Variants in TBC1D14 observed in about 807,000 individuals in gnomAD.
TBC1D14 encodes the protein TBC1 domain family member 14.
In TBC1D14, 26 loss-of-function variants were observed where a neutral mutation model predicts 79.0. The observed-to-expected ratio is 0.33, with a 90% confidence interval of 0.24 to 0.46. The LOEUF (loss-of-function observed/expected upper bound fraction) is 0.46. Among genes scored for constraint, TBC1D14 ranks in the 20% least tolerant of loss-of-function variants. TBC1D14 has a pLI of 1.00. For synonymous variants in TBC1D14, 394 were observed against 349.9 expected (o/e 1.13, Z -1.40); for missense variants, 769 against 887.6 (o/e 0.87, Z 1.70).
Position 7,025,177 on chromosome 4 carries a change from G to T in TBC1D14, c.1931G>T (p.Arg644Leu), listed in dbSNP as rs1047554547. 2 of 1,614,212 alleles carry T rather than the reference G, an allele frequency of 1.2e-6. No homozygotes were observed. The highest frequency in any genetic ancestry group is 8.5e-7 in the Non-Finnish European group (1 of 1,180,034). The change falls in exon 13 of 14, where the codon CGG (arginine) becomes CTG (leucine). Residue 644 changes from arginine (R) to leucine (L), a missense_variant. By Grantham distance (102) the Arg-to-Leu change is moderately radical. Coordinates refer to ENST00000409757, the MANE Select transcript of TBC1D14 (RefSeq NM_020773.3). The stretch of plus-strand genomic sequence containing the variant: ...ATTCACATGGCCCAGTTCCTGACCC[G>T]GCTGCCCGAGGACCTGCCCGCCGAG... ...DFIHMAQFLT[R>L]LPEDLPAEEL...
intron 2 of TBC1D14, among the ~76,000 whole-genome samples, chr4:6,925,817 G>A (rs1724250404): frequency 6.6e-6 from 1 of 152,188 alleles, no homozygotes; most frequent in African/African-American, 2.4e-5. Context: ...TCAGACGAGT[G>A]TGTTCAACTG....
At chr4:6,974,473 G>C (rs1716531833) in intron 3 of TBC1D14, among the ~76,000 whole-genome samples, 1 of 152,184 alleles carries the variant, frequency 6.6e-6, no homozygotes, top group South Asian at 2.1e-4. Context: ...CAGACTTCTC[G>C]TCATGTTGTG....
chr4:7,014,468 A>G lies in TBC1D14; in HGVS notation c.1668A>G (p.Ala556=), dbSNP rs756891000. Residue 556 remains alanine (A), a synonymous_variant, in exon 12 of 14, where the codon GCA becomes GCG. Transcript: ENST00000409757. The stretch of plus-strand genomic sequence containing the variant: ...CCTAGATGTTGACTTATTTTGCTGC[A>G]TTTGAAGTATTCTTTGAAGAAAATT... ...DHGLMLTYFA[A]FEVFFEENLP... is the part of the protein sequence containing the mutation. The G allele has an allele frequency of 1.2e-6, 2 of 1,613,452 alleles. No individual in the cohort carries two copies. The highest frequency in any genetic ancestry group is 1.6e-4 in the Middle Eastern group (1 of 6,084).
At chr4:6,975,060 C>T (rs1262747811) in intron 3 of TBC1D14, among the ~76,000 whole-genome samples, 4 of 151,682 alleles carry the variant, frequency 2.6e-5, no homozygotes, top group African/African-American at 7.3e-5. Context: ...TACAGGCGCC[C>T]GTCACCATGC....
In TBC1D14 at chr4:7,016,923, G is replaced by A. The variant is rs11942853; in HGVS notation, c.1757+2366G>A. On this transcript the variant is annotated intron_variant, in intron 12 of 13. Transcript: ENST00000409757. The stretch of plus-strand genomic sequence containing the variant: ...AAAAGGCACCAGCGTTTTTTGACTC[G>A]AGTGCTTCTCACACATGCTGTCTTT... Among the ~76,000 whole-genome samples the A allele has an allele frequency of 1.0e-3, 157 of 152,166 alleles. 2 individuals are homozygous for A. Among genetic ancestry groups the A allele is most frequent in the African/African-American group, 3.7e-3 (152 of 41,512 alleles).
chr4:6,939,740 G>A, intron 2 of TBC1D14, among the ~76,000 whole-genome samples: 1 of 151,966 alleles, frequency 6.6e-6, no homozygotes, highest in Non-Finnish European at 1.5e-5. Context: ...CCTGAGGAGA[G>A]GGGTGGGGGT....
At chr4:6,964,398 T>C (rs1232216216) in intron 2 of TBC1D14, among the ~76,000 whole-genome samples, 6 of 152,190 alleles carry the variant, frequency 3.9e-5, no homozygotes, top group Non-Finnish European at 7.3e-5. Flanking sequence ...CTGTCCCGGA[T>C]CCTGGTGCCT....
At chr4:6,956,550 C>G (rs1346303018) in intron 2 of TBC1D14, among the ~76,000 whole-genome samples, 1 of 152,242 alleles carries the variant, frequency 6.6e-6, no homozygotes, top group African/African-American at 2.4e-5. Context: ...CGCCCGGTCC[C>G]CCTTCACTCT....
At chr4:6,998,694 A>G (rs10002398) in intron 5 of TBC1D14, 1 of 191,132 alleles carries the variant, frequency 5.2e-6, no homozygotes, top group Non-Finnish European at 1.1e-5. Context: ...CCCTGCCATC[A>G]TGCCCAGCTA....
At chr4:6,992,147 C>T (rs777014978) in intron 3 of TBC1D14, among the ~76,000 whole-genome samples, 18 of 152,288 alleles carry the variant, frequency 1.2e-4, no homozygotes, top group Admixed American at 1.0e-3. Flanking sequence ...GTGAGGCAGG[C>T]GGGGTTTCCC....
intron 3 of TBC1D14, among the ~76,000 whole-genome samples, chr4:6,988,240 G>T (rs530062078): frequency 3.3e-5 from 5 of 152,318 alleles, no homozygotes; most frequent in African/African-American, 9.6e-5. Context: ...TTTCAGTTTC[G>T]TGCCCTTTTC....
chr4:7,005,048 C>A (rs1040866163), intron 8 of TBC1D14, 124 bp downstream of exon 8: 6 of 871,636 alleles, frequency 6.9e-6, no homozygotes, highest in Admixed American at 2.9e-5. Context: ...AAAAGCTCCA[C>A]GAGAAAAGGG....
chr4:7,022,411 AG>A (rs1721919389), intron 12 of TBC1D14, among the ~76,000 whole-genome samples: 1 of 152,236 alleles, frequency 6.6e-6, no homozygotes, highest in African/African-American at 2.4e-5. Context: ...CTCAGTGTAA[AG>A]GAAGGTGAAG....
chr4:6,963,866 G>A (rs545551119), intron 2 of TBC1D14, among the ~76,000 whole-genome samples: 85 of 151,736 alleles, frequency 5.6e-4, no homozygotes, highest in East Asian at 3.5e-3. Flanking sequence ...GTGTGATCTC[G>A]GCTCACTGCA....
At position 6,923,424 on chromosome 4, in the gene TBC1D14, G is replaced by GCGTA; in HGVS notation, c.36_39dup (p.Ala14ArgfsTer33). 1 of 1,613,790 alleles carries GCGTA rather than the reference G, an allele frequency of 6.2e-7. No individual in the cohort carries two copies. ...GGAAAACTCTCCACCTCTACAAATG[G>GCGTA]CGTAGCCTTCATGGGTATTCTGGAT... On this transcript the variant is annotated frameshift_variant, in exon 2 of 14. Coordinates refer to ENST00000409757, the MANE Select transcript of TBC1D14 (RefSeq NM_020773.3). LOFTEE classifies it high-confidence loss of function.
Position 6,920,387 on chromosome 4 carries a change from G to A in TBC1D14, c.-17-2986G>A, listed in dbSNP as rs980074730. Among the ~76,000 whole-genome samples, 7 of 151,768 alleles carry A rather than the reference G, an allele frequency of 4.6e-5. No individual in the cohort carries two copies. In the South Asian group the frequency reaches 1.5e-3, roughly 32 times the overall value. On this transcript the variant is annotated intron_variant, in intron 1 of 13. Transcript: ENST00000409757. ...ACTCCTGGGCTCAAGTGGTCCTCCT[G>A]CCCCAGCCTCTTGAGTAACTGGGAC...
At position 6,950,580 on chromosome 4, in the gene TBC1D14, CTTTA is replaced by C. The variant is rs1484598192; in HGVS notation, c.723-16721_723-16718del. ...AGATACCTTACTCTTTATTAGATAC[CTTTA>C]TTAGATAAGGAAGTCTCCTTTTAGT... On this transcript the variant is annotated intron_variant, in intron 2 of 13. Coordinates refer to ENST00000409757, the MANE Select transcript of TBC1D14 (RefSeq NM_020773.3). 4.4e-4 allele frequency among the ~76,000 whole-genome samples: 13 copies of C among 29,484 alleles called. 1 individual carries two copies. Among genetic ancestry groups the C allele is most frequent in the Admixed American group, 3.1e-3 (9 of 2,928 alleles). 19.3% of individuals were successfully genotyped at this position (29,484 alleles called of 152,430 possible).
chr4:6,915,293 C>T (rs866451637), intron 1 of TBC1D14, among the ~76,000 whole-genome samples: 10 of 152,172 alleles, frequency 6.6e-5, no homozygotes, highest in South Asian at 6.2e-4. Context: ...AGAGGCCTTG[C>T]GGAGAATGCT....
chr4:6,951,817 T>C (rs1178572624), intron 2 of TBC1D14, among the ~76,000 whole-genome samples: 9 of 152,024 alleles, frequency 5.9e-5, no homozygotes, highest in African/African-American at 1.9e-4. Flanking sequence ...TGACCTGGAG[T>C]TTTCTTTGTG....
Sources: gnomAD v4.1 joint callset for allele counts (sites outside exome capture counted in the v4.1 genomes callset) on GRCh38, gnomAD v4.1.1 for gene constraint, MANE v1.5 for transcripts, NCBI Gene and HGNC (gene_info 2026-07-23, HGNC 2026-07-21) for gene names.